Variants in CFAP20DC observed in about 807,000 individuals in gnomAD.
The protein encoded by CFAP20DC is protein CFAP20DC.
In CFAP20DC, 84 loss-of-function variants were observed where a neutral mutation model predicts 101.7. That is an observed-to-expected ratio of 0.83 (90% CI 0.69 to 0.99). CFAP20DC has a LOEUF of 0.99. Ranked by LOEUF, CFAP20DC falls within the 50% of genes least tolerant of loss-of-function variation. CFAP20DC has a pLI of 0.00. For missense variants in CFAP20DC, 1,007 were observed against 970.3 expected (o/e 1.04, Z -0.50); for synonymous variants, 359 against 351.2 (o/e 1.02, Z -0.25).
At chr3:58,764,148 G>T (rs778003692) in intron 15 of CFAP20DC, among the ~76,000 whole-genome samples, 1 of 152,182 alleles carries the variant, frequency 6.6e-6, no homozygotes, top group African/African-American at 2.4e-5. Context: ...AGTCTACAGA[G>T]ACAGGCAGGC....
chr3:58,806,227 C>T (rs925287063), intron 15 of CFAP20DC, among the ~76,000 whole-genome samples, 168 bp downstream of exon 15: 1 of 152,146 alleles, frequency 6.6e-6, no homozygotes, highest in African/African-American at 2.4e-5. Flanking sequence ...TAGACTGTTA[C>T]CACTATTCTA....
intron 4 of CFAP20DC, among the ~76,000 whole-genome samples, chr3:58,992,131 C>G (rs1360090138): frequency 6.6e-6 from 1 of 152,078 alleles, no homozygotes; most frequent in Non-Finnish European, 1.5e-5. Context: ...AATGACATGC[C>G]TAGGGTCTCA....
At chr3:58,879,859 C>T (rs1451201571) in intron 7 of CFAP20DC, among the ~76,000 whole-genome samples, 1 of 151,444 alleles carries the variant, frequency 6.6e-6, no homozygotes, top group African/African-American at 2.4e-5. Context: ...TGTAGATAAC[C>T]GTATATTATG....
chr3:58,742,881 T>A (rs1301049449), intron 16 of CFAP20DC, among the ~76,000 whole-genome samples: 1 of 152,118 alleles, frequency 6.6e-6, no homozygotes, highest in African/African-American at 2.4e-5. Context: ...TTATGCTTAT[T>A]AGGATTAGGA....
chr3:58,747,023 GTT>G lies in CFAP20DC; in HGVS notation c.2333-4453_2333-4452del, dbSNP rs552188656. Among the ~76,000 whole-genome samples, 250 of 152,196 alleles carry G rather than the reference GTT, an allele frequency of 1.6e-3. 4 individuals carry two copies. The highest frequency in any genetic ancestry group is 5.6e-3 in the South Asian group (27 of 4,822). The stretch of plus-strand genomic sequence containing the variant: ...CAATTATATTCTTGGATAGAGCTGA[GTT>G]TGTTTTTCCTCAAAATGCTAAATTG... On this transcript the variant is annotated intron_variant, in intron 16 of 16. Coordinates refer to ENST00000482387, the MANE Select transcript of CFAP20DC (RefSeq NM_001394063.1).
downstream of CFAP20DC, among the ~76,000 whole-genome samples, chr3:58,741,032 T>C (rs921514789): frequency 7.2e-5 from 11 of 152,208 alleles, no homozygotes; most frequent in African/African-American, 2.7e-4. Context: ...TAATGTATGA[T>C]ACTTGGAACA....
At chr3:58,875,469 G>C (rs1440536492) in intron 7 of CFAP20DC, among the ~76,000 whole-genome samples, 1 of 152,140 alleles carries the variant, frequency 6.6e-6, no homozygotes, top group Non-Finnish European at 1.5e-5. Context: ...GAAGGGCTCT[G>C]TGGGACATGG....
intron 5 of CFAP20DC, among the ~76,000 whole-genome samples, chr3:58,922,168 G>C (rs1198926704): frequency 1.3e-5 from 2 of 152,014 alleles, no homozygotes; most frequent in Non-Finnish European, 2.9e-5. Flanking sequence ...CTTTTAATTG[G>C]AGCATTTAGT....
chr3:58,991,780 T>C (rs924262795), intron 4 of CFAP20DC, among the ~76,000 whole-genome samples: 1 of 152,178 alleles, frequency 6.6e-6, no homozygotes, highest in Admixed American at 6.5e-5. Context: ...GGTAATCCTC[T>C]AGCCCCTGTT....
intron 4 of CFAP20DC, among the ~76,000 whole-genome samples, chr3:58,948,975 T>C (rs59531597): frequency 0.018 from 2,737 of 152,312 alleles, 71 homozygotes; most frequent in African/African-American, 0.061. Context: ...GAACCTGTTA[T>C]TGGTCTATTC....
At chr3:59,012,738 T>C (rs150126451) in intron 4 of CFAP20DC, among the ~76,000 whole-genome samples, 1 of 152,132 alleles carries the variant, frequency 6.6e-6, no homozygotes, top group African/African-American at 2.4e-5. Context: ...TAAGAAAACA[T>C]AGCAATTGAT....
chr3:58,938,874 A>G (rs114128673), intron 4 of CFAP20DC, among the ~76,000 whole-genome samples: 2 of 152,238 alleles, frequency 1.3e-5, no homozygotes, highest in African/African-American at 4.8e-5. Context: ...CCCTACTTGC[A>G]CTAAATGATA....
intron 6 of CFAP20DC, among the ~76,000 whole-genome samples, chr3:58,907,121 ATGTG>A (rs1406740663): frequency 6.6e-6 from 1 of 150,422 alleles, no homozygotes; most frequent in Non-Finnish European, 1.5e-5. Flanking sequence ...GTGTGTATGT[ATGTG>A]TGTGTGTCTG....
At chr3:58,895,045 G>A (rs2082557854) in intron 6 of CFAP20DC, among the ~76,000 whole-genome samples, 3 of 152,332 alleles carry the variant, frequency 2.0e-5, no homozygotes, top group Admixed American at 6.5e-5. Context: ...TGGTGACCCT[G>A]GGCCTGGCCC....
At chr3:58,988,174 TTAACA>T (rs2092814707) in intron 4 of CFAP20DC, among the ~76,000 whole-genome samples, 1 of 152,060 alleles carries the variant, frequency 6.6e-6, no homozygotes, top group Admixed American at 6.6e-5. Context: ...ATCCATGACA[TTAACA>T]GACTAAAATC....
chr3:58,927,473 A>G (rs1027908768), intron 5 of CFAP20DC, among the ~76,000 whole-genome samples: 2 of 152,224 alleles, frequency 1.3e-5, no homozygotes, highest in East Asian at 3.9e-4. Flanking sequence ...TCAACTTTAC[A>G]GAAGAGCTTG....
chr3:58,901,855 C>A (rs777653320), intron 6 of CFAP20DC, among the ~76,000 whole-genome samples: 6 of 152,192 alleles, frequency 3.9e-5, no homozygotes, highest in Non-Finnish European at 8.8e-5. Flanking sequence ...CCACCTCTAT[C>A]TACTTTCAGA....
At chr3:58,943,166 T>G (rs1346251225) in intron 4 of CFAP20DC, among the ~76,000 whole-genome samples, 1 of 152,166 alleles carries the variant, frequency 6.6e-6, no homozygotes, top group East Asian at 1.9e-4. Flanking sequence ...GACTTAAATG[T>G]TCCTGCCTGC....
At position 59,046,147 on chromosome 3, in the gene CFAP20DC, T is replaced by C. The variant is rs543420909; in HGVS notation, c.205+82A>G. ...CATAAATAGATGTCAGTAGAAGTCA[T>C]ACTAATGTGCCTGTTTATGAGACAT... On this transcript the variant is annotated intron_variant, in intron 3 of 16. Coordinates refer to ENST00000482387, the MANE Select transcript of CFAP20DC (RefSeq NM_001394063.1). 790 of 937,228 alleles carry C rather than the reference T, an allele frequency of 8.4e-4. 1 individual carries two copies. Among genetic ancestry groups the C allele is most frequent in the Non-Finnish European group, 1.1e-3 (701 of 620,166 alleles). 58.1% of individuals were successfully genotyped at this position (937,228 alleles called of 1,614,324 possible).
Sources: allele counts gnomAD v4.1 joint callset (sites outside exome capture counted in the v4.1 genomes callset), GRCh38; gene constraint gnomAD v4.1.1; transcripts MANE v1.5; gene names NCBI Gene and HGNC (gene_info 2026-07-23, HGNC 2026-07-21).